Variants in CHERP observed in about 807,000 individuals in gnomAD.
CHERP encodes the protein ERPROT 213-21.
Under a neutral mutation model 113.8 loss-of-function variants are expected in CHERP, and 8 were observed. That is an observed-to-expected ratio of 0.07 (90% CI 0.04 to 0.13). The LOEUF (loss-of-function observed/expected upper bound fraction) is 0.13. CHERP is among the 10% of genes least tolerant of loss of function. The pLI is 1.00. For missense variants in CHERP, 884 were observed against 1,298.2 expected (o/e 0.68, Z 4.90); for synonymous variants, 559 against 524.5 (o/e 1.07, Z -0.90).
chr19:16,529,471 C>T, intron 8 of CHERP, among the ~76,000 whole-genome samples, 177 bp downstream of exon 8: 1 of 152,176 alleles, frequency 6.6e-6, no homozygotes, highest in East Asian at 1.9e-4. Context: ...TGTAGTTTTA[C>T]TCTAGGATCA....
At chr19:16,537,869 T>C (rs2085751994) in intron 2 of CHERP, among the ~76,000 whole-genome samples, 1 of 152,176 alleles carries the variant, frequency 6.6e-6, no homozygotes, top group East Asian at 1.9e-4. Context: ...TTCAAAACCT[T>C]TCTAGCAGCG....
rs773437859 is a variant in CHERP at position 16,542,314 on chromosome 19, G to A, written c.25+40C>T. The A allele has an allele frequency of 4.3e-6, 6 of 1,405,166 alleles. No individual in the cohort carries two copies. The African/African-American group carries it at 4.5e-5, about 11-fold the overall frequency. 87.0% of individuals were successfully genotyped at this position (1,405,166 alleles called of 1,614,324 possible). A position where few individuals can be genotyped will look rare whatever the true frequency, so the allele number is the denominator to read the frequency against. ...GCGGGGCCGGCCAATAGGAGGTTCCGGGGAGAGAGAAACGGTCTCTCGGCC... is the reference window on the plus strand; with the variant it reads ...GCGGGGCCGGCCAATAGGAGGTTCCAGGGAGAGAGAAACGGTCTCTCGGCC... On this transcript the variant is annotated intron_variant, in intron 1 of 16. Transcript: ENST00000546361.
At chr19:16,540,703 CTTTT>C (rs1161941914) in intron 2 of CHERP, among the ~76,000 whole-genome samples, 6 of 141,272 alleles carry the variant, frequency 4.2e-5, no homozygotes, top group East Asian at 2.1e-4. Context: ...TTCTTTCTTT[CTTTT>C]TTTTTTTTGA....
chr19:16,541,652 G>A (rs867233746), intron 2 of CHERP: 2 of 506,446 alleles, frequency 3.9e-6, no homozygotes, highest in Non-Finnish European at 6.9e-6. Flanking sequence ...CAGAGCCCAG[G>A]GGGGAGGATC....
intron 2 of CHERP, among the ~76,000 whole-genome samples, chr19:16,537,706 G>C (rs898603038): frequency 4.0e-5 from 6 of 151,704 alleles, no homozygotes; most frequent in Non-Finnish European, 7.4e-5. Flanking sequence ...CCATGGATCT[G>C]CTGTCACCTG....
chr19:16,525,121 C>T lies in CHERP; in HGVS notation c.1741+121G>A. On this transcript the variant is annotated intron_variant, in intron 10 of 16. Coordinates refer to ENST00000546361, the MANE Select transcript of CHERP (RefSeq NM_006387.6). This position sits in a 1 kb window ranked among gnomAD's most constrained non-coding sequence, Gnocchi z 6.5. ...GCCGGGCTCCTCGGACGTCCCATGA[C>T]CCTGTGTCTGTCACTGTGCACTCAG... 1.0e-6 allele frequency: 1 copy of T among 992,590 alleles called. No homozygotes were observed. 61.5% of individuals were successfully genotyped at this position (992,590 alleles called of 1,614,324 possible).
In CHERP at chr19:16,519,061, A is replaced by T; in HGVS notation, c.*98T>A. On this transcript the variant is annotated 3_prime_UTR_variant, in exon 17 of 17. Coordinates refer to ENST00000546361, the MANE Select transcript of CHERP (RefSeq NM_006387.6). This position sits in a 1 kb window ranked among gnomAD's most constrained non-coding sequence, Gnocchi z 6.0. Reference sequence around the variant, plus strand: ...GGCTCTCCACAAGTGGAGACGGTGTAAGAACTGAGCTGTCACTGCAATCTT... The same window carrying T: ...GGCTCTCCACAAGTGGAGACGGTGTTAGAACTGAGCTGTCACTGCAATCTT... 9.0e-7 allele frequency: 1 copy of T among 1,105,478 alleles called. No individual in the cohort carries two copies. The highest frequency in any genetic ancestry group is 1.3e-6 in the Non-Finnish European group (1 of 765,238). 68.5% of individuals were successfully genotyped at this position (1,105,478 alleles called of 1,614,324 possible). A position where few individuals can be genotyped will look rare whatever the true frequency, so the allele number is the denominator to read the frequency against.
At chr19:16,540,120 G>C (rs571964958) in intron 2 of CHERP, 1 of 152,610 alleles carries the variant, frequency 6.6e-6, no homozygotes, top group Non-Finnish European at 1.5e-5. Context: ...CTAGAGTGCA[G>C]TGGCACGATC....
Position 16,521,667 on chromosome 19 carries a change from A to G in CHERP, c.1981-13T>C. On this transcript the variant is annotated splice_polypyrimidine_tract_variant and intron_variant, in intron 11 of 16. Coordinates refer to ENST00000546361, the MANE Select transcript of CHERP (RefSeq NM_006387.6). ...CGTGATCTTCCAGCTGCAGCAGAGA[A>G]CCCCAGCTGTCACCATGCCTGGGCA... is the stretch of plus-strand genomic sequence containing the variant. 2 of 1,552,186 alleles carry G rather than the reference A, an allele frequency of 1.3e-6. No individual in the cohort carries two copies. The highest frequency in any genetic ancestry group is 1.4e-5 in the African/African-American group (1 of 73,252).
chr19:16,532,564 A>G lies in CHERP; in HGVS notation c.674+34T>C. On this transcript the variant is annotated intron_variant, in intron 5 of 16. Transcript: ENST00000546361. The surrounding 1 kb of genome is among the most constrained non-coding windows in gnomAD (Gnocchi z 4.4). ...GGAGGGTTGAGGAGGAGCGCGAGGA[A>G]GTGGCGCTCTGGGCACGGGGTGGCG... The G allele has an allele frequency of 1.3e-6, 2 of 1,560,588 alleles. No homozygotes were observed. The highest frequency in any genetic ancestry group is 1.7e-6 in the Non-Finnish European group (2 of 1,152,606).
In CHERP at chr19:16,521,659, A is replaced by G. The variant is rs375715226; in HGVS notation, c.1981-5T>C. 11 of 1,570,346 alleles carry G rather than the reference A, an allele frequency of 7.0e-6. No individual in the cohort carries two copies. Among genetic ancestry groups the G allele is most frequent in the African/African-American group, 6.8e-5 (5 of 73,770 alleles). On this transcript the variant is annotated splice_polypyrimidine_tract_variant and splice_region_variant and intron_variant, in intron 11 of 16. Transcript: ENST00000546361. Reference sequence around the variant, plus strand: ...CTTGTACTCGTGATCTTCCAGCTGCAGCAGAGAACCCCAGCTGTCACCATG... The same window carrying G: ...CTTGTACTCGTGATCTTCCAGCTGCGGCAGAGAACCCCAGCTGTCACCATG...
chr19:16,528,975 C>T (rs1288182450), intron 8 of CHERP, among the ~76,000 whole-genome samples: 1 of 152,142 alleles, frequency 6.6e-6, no homozygotes, highest in East Asian at 1.9e-4. Flanking sequence ...AAAACAAAAT[C>T]CTTTGCTAGA....
At chr19:16,541,238 T>C (rs2085777354) in intron 2 of CHERP, 1 of 152,134 alleles carries the variant, frequency 6.6e-6, no homozygotes, top group Non-Finnish European at 1.5e-5. Context: ...ATTTAAACAA[T>C]CTAGAGACGG....
intron 8 of CHERP, among the ~76,000 whole-genome samples, chr19:16,529,352 C>T (rs1392147188): frequency 1.3e-5 from 2 of 152,204 alleles, no homozygotes; most frequent in African/African-American, 2.4e-5. Flanking sequence ...GTCCTTCCTG[C>T]CTGATGTAAT....
intron 11 of CHERP, 80 bp downstream of exon 11, chr19:16,522,972 C>T (rs1356176486): frequency 2.8e-5 from 40 of 1,444,058 alleles, no homozygotes; most frequent in Non-Finnish European, 3.4e-5. Flanking sequence ...CACCCGGTCC[C>T]GTGCATTCAC....
chr19:16,524,449 G>A (rs1369466365), intron 10 of CHERP, among the ~76,000 whole-genome samples: 2 of 151,596 alleles, frequency 1.3e-5, no homozygotes, highest in African/African-American at 4.9e-5. Context: ...CCAGCTACTC[G>A]GGAGGCTGAG....
chr19:16,522,869 G>A (rs557348399), intron 11 of CHERP, among the ~76,000 whole-genome samples, 183 bp downstream of exon 11: 38 of 152,254 alleles, frequency 2.5e-4, no homozygotes, highest in Middle Eastern at 3.4e-3. Flanking sequence ...ACATGGTGTC[G>A]CTCACAGCCA....
intron 3 of CHERP, among the ~76,000 whole-genome samples, chr19:16,534,483 T>C (rs1399129002): frequency 6.6e-6 from 1 of 152,160 alleles, no homozygotes; most frequent in Non-Finnish European, 1.5e-5. Context: ...ATTTTATTTA[T>C]TTATTTTTTC....
chr19:16,539,559 C>G (rs771284997), intron 2 of CHERP: 1 of 152,220 alleles, frequency 6.6e-6, no homozygotes, highest in Non-Finnish European at 1.5e-5. Flanking sequence ...CTCTCCACCC[C>G]ACCCCCGCAT....
Sources: gnomAD v4.1 joint callset for allele counts (sites outside exome capture counted in the v4.1 genomes callset) on GRCh38, gnomAD v4.1.1 for gene constraint, Gnocchi (gnomAD v3.1) non-coding constraint, MANE v1.5 for transcripts, NCBI Gene and HGNC (gene_info 2026-07-23, HGNC 2026-07-21) for gene names.